GLE1: variants seen among roughly 807,000 people sequenced by gnomAD.
The protein encoded by GLE1 is GLE1 RNA export mediator.
Under a neutral mutation model 97.3 loss-of-function variants are expected in GLE1, and 78 were observed. The ratio of observed to expected loss-of-function variants is 0.80; its 90% CI spans 0.67 to 0.97. The LOEUF (loss-of-function observed/expected upper bound fraction) is 0.97. Among genes scored for constraint, GLE1 ranks in the 50% least tolerant of loss-of-function variants. The pLI, the probability that GLE1 is intolerant of heterozygous loss-of-function variation, is 0.00. For missense variants in GLE1, 753 were observed against 857.5 expected (o/e 0.88, Z 1.52); for synonymous variants, 302 against 313.4 (o/e 0.96, Z 0.39).
chr9:128,525,466 A>G (rs1348508897), intron 7 of GLE1, 43 bp downstream of exon 7: 1 of 1,175,526 alleles, frequency 8.5e-7, no homozygotes, highest in Admixed American at 2.0e-5. Context: ...CGTAAGTTTC[A>G]AATGTGAAGA....
intron 3 of GLE1, among the ~76,000 whole-genome samples, chr9:128,520,350 ATATG>A (rs985653903): frequency 1.1e-4 from 16 of 147,720 alleles, no homozygotes; most frequent in South Asian, 2.1e-4. Flanking sequence ...ATATGTGTAT[ATATG>A]TATGTGTGTA....
At chr9:128,511,026 G>GA in intron 2 of GLE1, among the ~76,000 whole-genome samples, 1 of 151,006 alleles carries the variant, frequency 6.6e-6, no homozygotes, top group Non-Finnish European at 1.5e-5. Context: ...TGACCACAGT[G>GA]AAACCCTGTC....
In GLE1 at chr9:128,533,952, G is replaced by A; in HGVS notation, c.1646+1G>A. 1.3e-6 allele frequency: 2 copies of A among 1,597,384 alleles called. No individual in the cohort carries two copies. Among genetic ancestry groups the A allele is most frequent in the Non-Finnish European group, 1.7e-6 (2 of 1,164,832 alleles). On this transcript the variant is annotated splice_donor_variant, in intron 11 of 15. Coordinates refer to ENST00000309971, the MANE Select transcript of GLE1 (RefSeq NM_001003722.2). LOFTEE classifies it high-confidence loss of function. ...GAATGGCTTTGGAAGACTATCAGAG[G>A]TAAAGTTGTTTTTCTCCCTACTCAC...
In GLE1 at chr9:128,525,378, G is replaced by C; in HGVS notation, c.1084G>C (p.Glu362Gln). Residue 362 changes from glutamate to glutamine, a missense_variant, in exon 7 of 16, where the codon GAG becomes CAG. Transcript: ENST00000309971. ...QMQQGPEAHKEPPAPSQGPGG... is the reference protein window; with the variant it reads ...QMQQGPEAHKQPPAPSQGPGG... ...GCAGCAGGGACCAGAGGCCCACAAA[G>C]AGCCCCCAGCTCCCAGCCAGGGCCC... The C allele has an allele frequency of 6.2e-7, 1 of 1,611,920 alleles. No homozygotes were observed. The highest frequency in any genetic ancestry group is 1.1e-5 in the South Asian group (1 of 90,768).
At chr9:128,515,393 C>T (rs1355388017) in intron 2 of GLE1, 136 bp from the exon 3 acceptor site, 2 of 659,642 alleles carry the variant, frequency 3.0e-6, no homozygotes, top group East Asian at 5.4e-5. Context: ...TAGTTCTGAC[C>T]TAAATTTTTT....
In GLE1 at chr9:128,533,879, A is replaced by G. The variant is rs1210578677; in HGVS notation, c.1574A>G (p.His525Arg). The change falls in exon 11 of 16, where the codon CAT becomes CGT. Residue 525 changes from histidine (H) to arginine (R), a missense_variant. Coordinates refer to ENST00000309971, the MANE Select transcript of GLE1 (RefSeq NM_001003722.2). ...RVGDLILAHL[H>R]KKCPYSVPFY... ...GGGGACCTCATTCTTGCTCATCTACATAAGAAGTGTCCTTACTCTGTTCCT... is the reference window on the plus strand; with the variant it reads ...GGGGACCTCATTCTTGCTCATCTACGTAAGAAGTGTCCTTACTCTGTTCCT... 1.9e-6 allele frequency: 3 copies of G among 1,613,328 alleles called. No individual in the cohort carries two copies. In the South Asian group the frequency reaches 3.3e-5, roughly 18 times the overall value.
intron 9 of GLE1, among the ~76,000 whole-genome samples, chr9:128,529,705 TCTCC>T (rs1364351213): frequency 1.3e-5 from 2 of 151,348 alleles, no homozygotes; most frequent in Non-Finnish European, 3.0e-5. Flanking sequence ...TCTCTCCCTC[TCTCC>T]CTCTCTCTCT....
chr9:128,524,193 C>G (rs956990426), intron 6 of GLE1, among the ~76,000 whole-genome samples: 4 of 149,822 alleles, frequency 2.7e-5, no homozygotes, highest in African/African-American at 7.3e-5. Context: ...ATCCTCCCAC[C>G]TCAGTCTCCT....
chr9:128,523,466 T>C (rs1847210550), intron 5 of GLE1, 126 bp downstream of exon 5: 1 of 1,411,720 alleles, frequency 7.1e-7, no homozygotes, highest in Non-Finnish European at 1.0e-6. Flanking sequence ...ATGACTAACC[T>C]TGGGATGTCC....
chr9:128,509,774 CAT>C (rs1464263927), intron 2 of GLE1, among the ~76,000 whole-genome samples: 1 of 151,506 alleles, frequency 6.6e-6, no homozygotes, highest in Non-Finnish European at 1.5e-5. Context: ...GCCTGGGCAA[CAT>C]AGTGAGACCT....
In GLE1 at chr9:128,525,342, G is replaced by A. The variant is rs1463319180; in HGVS notation, c.1048G>A (p.Glu350Lys). 2.2e-5 allele frequency: 36 copies of A among 1,613,784 alleles called. No individual in the cohort carries two copies. Among genetic ancestry groups the A allele is most frequent in the Non-Finnish European group, 2.8e-5 (33 of 1,179,814 alleles). Reference protein sequence around the residue: ...DEEEAQVKLQEAQMQQGPEAH... With the variant: ...DEEEAQVKLQKAQMQQGPEAH... ...AGAAGAGGCCCAGGTAAAGCTGCAAGAGGCACAGATGCAGCAGGGACCAGA... is the reference window on the plus strand; with the variant it reads ...AGAAGAGGCCCAGGTAAAGCTGCAAAAGGCACAGATGCAGCAGGGACCAGA... Residue 350 changes from glutamate (E) to lysine (K), a missense_variant, in exon 7 of 16, where the codon GAG (glutamate) becomes AAG (lysine). Coordinates refer to ENST00000309971, the MANE Select transcript of GLE1 (RefSeq NM_001003722.2).
chr9:128,521,518 GGTGAGACCCT>G (rs1439235396), intron 3 of GLE1, among the ~76,000 whole-genome samples: 1 of 151,624 alleles, frequency 6.6e-6, no homozygotes, highest in African/African-American at 2.4e-5. Context: ...TACATGACAG[GGTGAGACCCT>G]GTCTCAAAAA....
intron 7 of GLE1, among the ~76,000 whole-genome samples, chr9:128,526,024 G>T (rs1469122838): frequency 2.0e-5 from 3 of 152,030 alleles, no homozygotes; most frequent in Admixed American, 6.6e-5. Context: ...TGTTGTTGTT[G>T]TTTTTTGCGG....
chr9:128,510,107 G>A (rs1202742110), intron 2 of GLE1, among the ~76,000 whole-genome samples: 1 of 152,018 alleles, frequency 6.6e-6, no homozygotes, highest in African/African-American at 2.4e-5. Context: ...AACCAGGATG[G>A]AGTGCAGTGG....
chr9:128,531,768 G>T (rs1330551493), intron 9 of GLE1, among the ~76,000 whole-genome samples: 1 of 145,326 alleles, frequency 6.9e-6, no homozygotes, highest in Non-Finnish European at 1.5e-5. Context: ...GAAGGCAGAG[G>T]TTGCAGTGAG....
intron 15 of GLE1, 32 bp downstream of exon 15, chr9:128,540,370 C>T: frequency 7.1e-7 from 1 of 1,410,182 alleles, no homozygotes; most frequent in Non-Finnish European, 1.0e-6. Context: ...ATGCCCCACA[C>T]TGTTGTTGGG....
intron 1 of GLE1, among the ~76,000 whole-genome samples, chr9:128,507,953 G>T (rs1037166382): frequency 9.3e-4 from 141 of 152,072 alleles, no homozygotes; most frequent in Admixed American, 2.0e-3. Flanking sequence ...GCTGAGGCGG[G>T]TGGATCGCCT....
At chr9:128,508,803 A>T in intron 1 of GLE1, 73 bp from the exon 2 acceptor site, 1 of 872,100 alleles carries the variant, frequency 1.1e-6, no homozygotes, top group South Asian at 1.3e-5. Flanking sequence ...TTAGATGTTC[A>T]GTAAGGCATG....
intron 6 of GLE1, 83 bp from the exon 7 acceptor site, chr9:128,525,109 A>G: frequency 2.0e-6 from 2 of 980,484 alleles, no homozygotes; most frequent in Non-Finnish European, 3.3e-6. Flanking sequence ...CAACAATTCC[A>G]ATTGCAGGAA....
Sources: gnomAD v4.1 joint callset for allele counts (sites outside exome capture counted in the v4.1 genomes callset) on GRCh38, gnomAD v4.1.1 for gene constraint, MANE v1.5 for transcripts, NCBI Gene and HGNC (gene_info 2026-07-23, HGNC 2026-07-21) for gene names.